Variants in PDZD2 observed in about 807,000 individuals in gnomAD.
PDZD2 encodes PDZ domain containing 2, also known as PDZ domain-containing protein 2.
PDZD2 carries 90 observed loss-of-function variants against 220.7 expected under a neutral mutation model. The ratio of observed to expected loss-of-function variants is 0.41; its 90% CI spans 0.34 to 0.49. The LOEUF (loss-of-function observed/expected upper bound fraction) is 0.49, where lower values mean the gene tolerates loss of function less well. Ranked by LOEUF, PDZD2 falls within the 20% of genes least tolerant of loss-of-function variation. The pLI, the probability that PDZD2 is intolerant of heterozygous loss-of-function variation, is 0.28. For missense variants in PDZD2, 3,174 were observed against 3,608.5 expected, an observed-to-expected ratio of 0.88 and a Z score of 3.08; for synonymous variants, 1,375 against 1,450.5, an observed-to-expected ratio of 0.95 and a Z score of 1.18.
intron 1 of PDZD2, among the ~76,000 whole-genome samples, chr5:31,655,453 G>A (rs981560118): frequency 1.3e-5 from 2 of 152,148 alleles, no homozygotes; most frequent in Admixed American, 6.5e-5. Context: ...TTACAGGCAC[G>A]AGCCACTGCG....
At chr5:31,752,416 G>A (rs1751052934) in intron 1 of PDZD2, among the ~76,000 whole-genome samples, 1 of 152,102 alleles carries the variant, frequency 6.6e-6, no homozygotes, top group African/African-American at 2.4e-5. Flanking sequence ...AGACGTGGTG[G>A]TGGACACCTG....
chr5:31,930,936 G>A (rs962580413), intron 2 of PDZD2, among the ~76,000 whole-genome samples: 17 of 123,656 alleles, frequency 1.4e-4, no homozygotes, highest in African/African-American at 4.8e-4. Context: ...AGCCAAGGGC[G>A]ACTCAGTTGT....
At position 31,775,405 on chromosome 5, in the gene PDZD2, C is replaced by T. The variant is rs190764948; in HGVS notation, c.-360-23484C>T. ...GGCTTGGCAGTTCATTATCTGAGGA[C>T]GGATTTGACGTAATAGAGACAATTT... is the stretch of plus-strand genomic sequence containing the variant. On this transcript the variant is annotated intron_variant, in intron 1 of 24. Coordinates refer to ENST00000438447, the MANE Select transcript of PDZD2 (RefSeq NM_178140.4). 3.7e-3 allele frequency among the ~76,000 whole-genome samples: 562 copies of T among 151,848 alleles called. 4 individuals are homozygous for T. Among genetic ancestry groups the T allele is most frequent in the South Asian group, 0.013 (61 of 4,800 alleles).
chr5:31,985,376 C>G (rs182447054), intron 3 of PDZD2, among the ~76,000 whole-genome samples: 400 of 152,222 alleles, frequency 2.6e-3, no homozygotes, highest in African/African-American at 9.1e-3. Context: ...TGACCTAGGA[C>G]ACAGTGGAAA....
chr5:31,823,641 G>A (rs575204464), intron 2 of PDZD2, among the ~76,000 whole-genome samples: 1 of 152,216 alleles, frequency 6.6e-6, no homozygotes, highest in African/African-American at 2.4e-5. Context: ...CAACTCACAG[G>A]AAAAAGATAC....
At chr5:31,748,707 C>G (rs1750747470) in intron 1 of PDZD2, among the ~76,000 whole-genome samples, 1 of 152,250 alleles carries the variant, frequency 6.6e-6, no homozygotes, top group South Asian at 2.1e-4. Context: ...CAGTTTGCTG[C>G]TTGTCAGCAG....
chr5:31,874,508 C>A (rs1739125216), intron 2 of PDZD2, among the ~76,000 whole-genome samples: 1 of 152,078 alleles, frequency 6.6e-6, no homozygotes, highest in Admixed American at 6.6e-5. Flanking sequence ...CACCTGTAAT[C>A]CCAGCACTTT....
chr5:31,769,584 C>T (rs1326699789), intron 1 of PDZD2, among the ~76,000 whole-genome samples: 2 of 152,182 alleles, frequency 1.3e-5, no homozygotes, highest in Non-Finnish European at 2.9e-5. Context: ...AAGCTAGGTG[C>T]TTGGCTTTTA....
chr5:32,093,679 T>C lies in PDZD2; in HGVS notation c.7845+655T>C, dbSNP rs554056778. ...GTAAGTTAGAGATAATAGAACGTTA[T>C]TAAGAAAATCCTAAGAGGCCAGGTG... On this transcript the variant is annotated intron_variant, in intron 21 of 24. Transcript: ENST00000438447. 3.3e-5 allele frequency among the ~76,000 whole-genome samples: 5 copies of C among 152,300 alleles called. 1 individual carries two copies. The highest frequency in any genetic ancestry group is 4.1e-4 in the South Asian group (2 of 4,826).
intron 3 of PDZD2, among the ~76,000 whole-genome samples, chr5:31,993,739 AT>A (rs1217368033): frequency 6.6e-6 from 1 of 152,004 alleles, no homozygotes; most frequent in East Asian, 1.9e-4. Flanking sequence ...CTTTTGTTTC[AT>A]ATGTCTTGTG....
intron 1 of PDZD2, among the ~76,000 whole-genome samples, chr5:31,797,621 C>T (rs1284960898): frequency 6.6e-6 from 1 of 152,198 alleles, no homozygotes; most frequent in East Asian, 1.9e-4. Context: ...GTGTGAGCCA[C>T]CGCGCCCAGC....
intron 2 of PDZD2, among the ~76,000 whole-genome samples, chr5:31,947,606 A>G (rs1027665716): frequency 5.3e-5 from 8 of 152,218 alleles, no homozygotes; most frequent in African/African-American, 1.7e-4. Flanking sequence ...AAGCTGAAGC[A>G]GTTAGATTGC....
intron 5 of PDZD2, among the ~76,000 whole-genome samples, chr5:32,003,115 AC>A (rs1752405163): frequency 3.8e-5 from 1 of 26,572 alleles, no homozygotes; most frequent in Non-Finnish European, 2.0e-4. Context: ...CCACAAACAC[AC>A]CACGCGCCAC....
chr5:31,985,030 A>G (rs1750604081), intron 3 of PDZD2, among the ~76,000 whole-genome samples: 1 of 152,138 alleles, frequency 6.6e-6, no homozygotes, highest in South Asian at 2.1e-4. Context: ...ATTATTTGTA[A>G]ATAGAATGTA....
intron 1 of PDZD2, among the ~76,000 whole-genome samples, chr5:31,746,377 A>G (rs1383811129): frequency 2.0e-5 from 3 of 152,170 alleles, no homozygotes; most frequent in Non-Finnish European, 4.4e-5. Context: ...TTTGTCTAGG[A>G]TCAGCAGGAA....
intron 2 of PDZD2, among the ~76,000 whole-genome samples, chr5:31,886,204 C>CT (rs2150342263): frequency 6.6e-6 from 1 of 152,252 alleles, no homozygotes; most frequent in Admixed American, 6.5e-5. Context: ...CAGCCATTGT[C>CT]TATACAGTTT....
intron 1 of PDZD2, among the ~76,000 whole-genome samples, chr5:31,645,376 G>A (rs1277494178): frequency 2.1e-5 from 3 of 140,178 alleles, no homozygotes; most frequent in Non-Finnish European, 3.0e-5. Flanking sequence ...TTGCTCTGTC[G>A]CCCTGCCTGG....
At chr5:31,778,524 T>C (rs2150206659) in intron 1 of PDZD2, among the ~76,000 whole-genome samples, 1 of 151,808 alleles carries the variant, frequency 6.6e-6, no homozygotes, top group Non-Finnish European at 1.5e-5. Context: ...CAACTCCAGA[T>C]GTGCCGCCTT....
chr5:31,843,247 C>A (rs1757417611), intron 2 of PDZD2: 1 of 151,468 alleles, frequency 6.6e-6, no homozygotes, highest in Admixed American at 6.6e-5. Flanking sequence ...CCACCCTGGG[C>A]ATATTAACAA....
Sources: gnomAD v4.1 joint callset for allele counts (sites outside exome capture counted in the v4.1 genomes callset) on GRCh38, gnomAD v4.1.1 for gene constraint, MANE v1.5 for transcripts, NCBI Gene and HGNC (gene_info 2026-07-23, HGNC 2026-07-21) for gene names.